MAP2K5: variants seen among roughly 807,000 people sequenced by gnomAD.
The protein encoded by MAP2K5 is dual specificity mitogen-activated protein kinase kinase 5.
Under a neutral mutation model 83.1 loss-of-function variants are expected in MAP2K5, and 49 were observed. That is an observed-to-expected ratio of 0.59 (90% CI 0.47 to 0.75). The LOEUF is 0.75. Ranked by LOEUF, MAP2K5 falls within the 30% of genes least tolerant of loss-of-function variation. The pLI is 0.00. For missense variants in MAP2K5, 457 were observed against 557.5 expected (o/e 0.82, Z 1.82); for synonymous variants, 202 against 191.8 (o/e 1.05, Z -0.44).
Position 67,720,094 on chromosome 15 carries a change from T to C in MAP2K5, c.1045-7822T>C, listed in dbSNP as rs1242556644. On this transcript the variant is annotated intron_variant, in intron 16 of 21. Transcript: ENST00000178640. This position sits in a 1 kb window ranked among gnomAD's most constrained non-coding sequence, Gnocchi z 5.7. The stretch of plus-strand genomic sequence containing the variant: ...TTTAAATTGAGGGTTTTTTCCCCTT[T>C]TTTATTTATCAATTAGCTGCCTTAT... Among the ~76,000 whole-genome samples the C allele has an allele frequency of 1.3e-5, 2 of 152,176 alleles. No homozygotes were observed. The highest frequency in any genetic ancestry group is 4.8e-5 in the African/African-American group (2 of 41,442).
intron 7 of MAP2K5, among the ~76,000 whole-genome samples, 178 bp downstream of exon 7, chr15:67,593,152 G>A (rs981478970): frequency 2.6e-5 from 4 of 152,108 alleles, no homozygotes; most frequent in African/African-American, 7.2e-5. Flanking sequence ...CTGTGCTAAT[G>A]GGTTTCACTC....
chr15:67,801,165 G>T lies in MAP2K5; in HGVS notation c.1243-5481G>T, dbSNP rs537062231. On this transcript the variant is annotated intron_variant, in intron 21 of 21. Coordinates refer to ENST00000178640, the MANE Select transcript of MAP2K5 (RefSeq NM_145160.3). This position sits in a 1 kb window ranked among gnomAD's most constrained non-coding sequence, Gnocchi z 4.8. ...CAGAAGTGTTATCACAGCCAAGCGG[G>T]CTGGAATCCTAAAGGGAGATGCATA... Among the ~76,000 whole-genome samples the T allele has an allele frequency of 6.6e-6, 1 of 152,272 alleles. No homozygotes were observed. Among genetic ancestry groups the T allele is most frequent in the African/African-American group, 2.4e-5 (1 of 41,558 alleles).
At position 67,760,388 on chromosome 15, in the gene MAP2K5, A is replaced by G. The variant is rs1426525387; in HGVS notation, c.1135-9214A>G. Among the ~76,000 whole-genome samples the G allele has an allele frequency of 3.3e-5, 5 of 152,250 alleles. No homozygotes were observed. Among genetic ancestry groups the G allele is most frequent in the Non-Finnish European group, 7.3e-5 (5 of 68,040 alleles). On this transcript the variant is annotated intron_variant, in intron 19 of 21. Transcript: ENST00000178640. The surrounding 1 kb of genome is among the most constrained non-coding windows in gnomAD (Gnocchi z 4.1). ...ATGTACAAAGTCACTTGAAGTAAAA[A>G]AAAGTTTTTTTAAACACACAATTAT...
intron 8 of MAP2K5, chr15:67,628,643 T>A (rs1689447421): frequency 2.9e-6 from 3 of 1,046,570 alleles, no homozygotes; most frequent in Non-Finnish European, 4.4e-6. Flanking sequence ...CATGACTCTG[T>A]GGATAAGACT....
intron 21 of MAP2K5, among the ~76,000 whole-genome samples, chr15:67,795,814 A>G (rs2090595418): frequency 6.6e-6 from 1 of 152,222 alleles, no homozygotes; most frequent in South Asian, 2.1e-4. Flanking sequence ...GAGGTATGCT[A>G]AAATCTCCCA....
At chr15:67,620,232 G>A (rs1260425815) in intron 8 of MAP2K5, among the ~76,000 whole-genome samples, 3 of 152,048 alleles carry the variant, frequency 2.0e-5, no homozygotes, top group African/African-American at 7.2e-5. Context: ...TTAGCCAGGT[G>A]TGATGGTGGG....
At chr15:67,707,506 G>A (rs2088585547) in intron 16 of MAP2K5, among the ~76,000 whole-genome samples, 2 of 152,156 alleles carry the variant, frequency 1.3e-5, no homozygotes, top group Admixed American at 6.5e-5. Context: ...CTTTCTAGTA[G>A]AAACTTTCCT....
intron 8 of MAP2K5, among the ~76,000 whole-genome samples, chr15:67,606,113 C>G (rs2085773658): frequency 6.6e-6 from 1 of 152,194 alleles, no homozygotes; most frequent in Admixed American, 6.5e-5. Context: ...CTCTCAGACT[C>G]TGCTTCCTTG....
rs558921675 is a variant in MAP2K5, at chr15:67,658,937, G to A, written c.798+323G>A. 5.6e-5 allele frequency: 24 copies of A among 426,368 alleles called. No individual in the cohort carries two copies. In the East Asian group the frequency reaches 6.7e-4, roughly 12 times the overall value. The allele number at this position is 426,368 out of a possible 1,614,324, so 26.4% of individuals were successfully genotyped here. A position where few individuals can be genotyped will look rare whatever the true frequency, so the allele number is the denominator to read the frequency against. The stretch of plus-strand genomic sequence containing the variant: ...TTTTGTTTTTACATTTTGTAGTTAT[G>A]ATTAGCATATGATTAGCAAATACTT... On this transcript the variant is annotated intron_variant, in intron 12 of 21. Transcript: ENST00000178640.
chr15:67,586,714 C>G (rs1274489844), intron 5 of MAP2K5, 132 bp from the exon 6 acceptor site: 4 of 784,234 alleles, frequency 5.1e-6, no homozygotes, highest in Non-Finnish European at 9.1e-6. Context: ...GAATAGACTC[C>G]AACTGTGGGT....
chr15:67,663,587 T>A (rs1471491212), intron 12 of MAP2K5, among the ~76,000 whole-genome samples: 1 of 152,124 alleles, frequency 6.6e-6, no homozygotes, highest in Non-Finnish European at 1.5e-5. Flanking sequence ...AAAATGTCTC[T>A]CCAGGCCAGG....
chr15:67,595,400 C>T (rs2085503031), intron 7 of MAP2K5, among the ~76,000 whole-genome samples: 1 of 152,172 alleles, frequency 6.6e-6, no homozygotes, highest in Non-Finnish European at 1.5e-5. Flanking sequence ...AGTGTGACTG[C>T]TTTCTGAAAC....
rs558214795 is a variant in MAP2K5, at chr15:67,672,845, G to T, written c.847+8200G>T. On this transcript the variant is annotated intron_variant, in intron 13 of 21. Coordinates refer to ENST00000178640, the MANE Select transcript of MAP2K5 (RefSeq NM_145160.3). ...TCTTGAATTAATTTTTGTATAAGGT[G>T]TAAGGAAGGGATCCAGTTTCAGTTT... 6.6e-4 allele frequency among the ~76,000 whole-genome samples: 100 copies of T among 151,278 alleles called. 1 individual carries two copies. In the East Asian group the frequency reaches 7.6e-3, roughly 11 times the overall value.
intron 3 of MAP2K5, among the ~76,000 whole-genome samples, chr15:67,576,066 A>G (rs1464394213): frequency 2.1e-5 from 3 of 144,666 alleles, no homozygotes; most frequent in South Asian, 2.3e-4. Flanking sequence ...ACAGGTGCAC[A>G]CCACCACGCC....
At chr15:67,551,230 A>G (rs1372007108) in intron 2 of MAP2K5, among the ~76,000 whole-genome samples, 1 of 152,206 alleles carries the variant, frequency 6.6e-6, no homozygotes, top group Non-Finnish European at 1.5e-5. Context: ...AAAATGTGCA[A>G]AACCTTTGAC....
At chr15:67,669,415 C>G (rs1331937106) in intron 13 of MAP2K5, among the ~76,000 whole-genome samples, 1 of 151,888 alleles carries the variant, frequency 6.6e-6, no homozygotes, top group Non-Finnish European at 1.5e-5. Context: ...GGGAGGAAGG[C>G]TTGAAAGGGG....
chr15:67,672,488 G>A (rs1331413239), intron 13 of MAP2K5, among the ~76,000 whole-genome samples: 49 of 150,218 alleles, frequency 3.3e-4, no homozygotes, highest in African/African-American at 8.3e-4. Flanking sequence ...CATGTCCTTC[G>A]CCCACTTTTT....
intron 8 of MAP2K5, among the ~76,000 whole-genome samples, chr15:67,605,181 A>G (rs927084433): frequency 1.3e-5 from 2 of 151,514 alleles, no homozygotes; most frequent in African/African-American, 4.8e-5. Context: ...GCCTCCCTAG[A>G]GTAGCTGGGA....
rs539720656 is a variant in MAP2K5 at position 67,769,576 on chromosome 15, G to A, written c.1135-26G>A. 2.0e-5 allele frequency: 32 copies of A among 1,610,238 alleles called. No homozygotes were observed. Among genetic ancestry groups the A allele is most frequent in the African/African-American group, 1.6e-4 (12 of 74,910 alleles). On this transcript the variant is annotated intron_variant, in intron 19 of 21. Transcript: ENST00000178640. This position sits in a 1 kb window ranked among gnomAD's most constrained non-coding sequence, Gnocchi z 5.2. ...AAGAGAAGGAACTGTTGTGACTTTT[G>A]GTGACATGTTTTTCCTCCATCACAG...
Sources: gnomAD v4.1 joint callset for allele counts (sites outside exome capture counted in the v4.1 genomes callset) on GRCh38, gnomAD v4.1.1 for gene constraint, Gnocchi (gnomAD v3.1) non-coding constraint, MANE v1.5 for transcripts, NCBI Gene and HGNC (gene_info 2026-07-23, HGNC 2026-07-21) for gene names.